ADAMTS18: variants seen among roughly 807,000 people sequenced by gnomAD.
ADAMTS18 encodes the protein ADAM metallopeptidase with thrombospondin type 1 motif 18.
A neutral mutation model predicts 165.9 loss-of-function variants in ADAMTS18; 157 were observed. The observed-to-expected ratio is 0.95, with a 90% CI of 0.83 to 1.08. The LOEUF (loss-of-function observed/expected upper bound fraction) is 1.08, where lower values mean the gene tolerates loss of function less well. ADAMTS18 is among the 50% of genes least tolerant of loss of function. ADAMTS18 has a pLI of 0.00. For synonymous variants in ADAMTS18, 782 were observed against 578.2 expected, an observed-to-expected ratio of 1.35 and a Z score of -5.06; for missense variants, 2,040 against 1,534.0, an observed-to-expected ratio of 1.33 and a Z score of -5.51.
At chr16:77,342,464 G>A (rs879642650) in intron 10 of ADAMTS18, among the ~76,000 whole-genome samples, 3 of 151,850 alleles carry the variant, frequency 2.0e-5, no homozygotes, top group Non-Finnish European at 4.4e-5. Context: ...TTTATTGACT[G>A]ACTGACTGTA....
intron 11 of ADAMTS18, among the ~76,000 whole-genome samples, chr16:77,336,499 G>T (rs1204801482): frequency 1.3e-5 from 2 of 152,296 alleles, no homozygotes; most frequent in East Asian, 3.9e-4. Flanking sequence ...GAACAACTCA[G>T]TCTGTACAAA....
intron 3 of ADAMTS18, among the ~76,000 whole-genome samples, chr16:77,403,845 G>A (rs956989735): frequency 1.3e-5 from 2 of 152,120 alleles, no homozygotes; most frequent in African/African-American, 4.8e-5. Context: ...TTGAAAGGAA[G>A]GGACACGATG....
At chr16:77,290,356 G>GGTATTGGGGGAGCAGATTT (rs1489401726) in intron 21 of ADAMTS18, among the ~76,000 whole-genome samples, 1 of 152,176 alleles carries the variant, frequency 6.6e-6, no homozygotes, top group African/African-American at 2.4e-5. Flanking sequence ...AAAACAGGCA[G>GGTATTGGGGGAGCAGATTT]GTATTGGGGG....
chr16:77,372,801 G>A (rs2056895174), intron 3 of ADAMTS18, among the ~76,000 whole-genome samples: 1 of 152,108 alleles, frequency 6.6e-6, no homozygotes, highest in South Asian at 2.1e-4. Flanking sequence ...TCTCTTATTT[G>A]GACACTTTCT....
chr16:77,291,527 T>A, intron 20 of ADAMTS18, 49 bp from the exon 21 acceptor site: 2 of 1,577,780 alleles, frequency 1.3e-6, no homozygotes, highest in South Asian at 1.1e-5. Flanking sequence ...CAGGATCACA[T>A]CTTCTGGACA....
chr16:77,317,412 C>A (rs1332376863), intron 16 of ADAMTS18, among the ~76,000 whole-genome samples: 1 of 152,170 alleles, frequency 6.6e-6, no homozygotes, highest in Non-Finnish European at 1.5e-5. Context: ...CGGCTCACTG[C>A]AACCTGTGCC....
intron 3 of ADAMTS18, among the ~76,000 whole-genome samples, chr16:77,408,702 G>A (rs1350539496): frequency 2.6e-5 from 4 of 152,162 alleles, no homozygotes; most frequent in East Asian, 3.9e-4. Flanking sequence ...TGTGGAGTGA[G>A]ACAATTTGGA....
intron 16 of ADAMTS18, among the ~76,000 whole-genome samples, chr16:77,318,072 G>A (rs1477766925): frequency 6.6e-6 from 1 of 152,022 alleles, no homozygotes; most frequent in Non-Finnish European, 1.5e-5. Context: ...ATAAGATAGA[G>A]GAAAATAAAT....
At chr16:77,417,834 G>T (rs1437327499) in intron 3 of ADAMTS18, among the ~76,000 whole-genome samples, 1 of 152,144 alleles carries the variant, frequency 6.6e-6, no homozygotes, top group East Asian at 1.9e-4. Flanking sequence ...AAGGTTCTCA[G>T]GCAAGGGCAC....
chr16:77,363,993 A>G, intron 5 of ADAMTS18, 108 bp from the exon 6 acceptor site: 2 of 1,230,580 alleles, frequency 1.6e-6, no homozygotes, highest in South Asian at 2.5e-5. Flanking sequence ...TACCAAATAT[A>G]TGTACATATA....
intron 7 of ADAMTS18, 25 bp from the exon 8 acceptor site, chr16:77,359,448 T>C: frequency 1.3e-6 from 2 of 1,591,954 alleles, no homozygotes; most frequent in Non-Finnish European, 1.7e-6. Context: ...GTTTCAAATG[T>C]GAATCCAAAG....
intron 10 of ADAMTS18, among the ~76,000 whole-genome samples, chr16:77,350,437 G>A (rs1362522927): frequency 6.6e-6 from 1 of 152,134 alleles, no homozygotes; most frequent in Admixed American, 6.5e-5. Flanking sequence ...AAACCGTATT[G>A]TTTATCAAGT....
chr16:77,359,536 T>G lies in ADAMTS18; in HGVS notation c.1217-113A>C. 9.1e-6 allele frequency: 7 copies of G among 769,522 alleles called. No homozygotes were observed. The South Asian group carries it at 1.1e-4, about 12-fold the overall frequency. 47.7% of individuals were successfully genotyped at this position (769,522 alleles called of 1,614,324 possible). A position where few individuals can be genotyped will look rare whatever the true frequency, so the allele number is the denominator to read the frequency against. On this transcript the variant is annotated intron_variant, in intron 7 of 22. Coordinates refer to ENST00000282849, the MANE Select transcript of ADAMTS18 (RefSeq NM_199355.4). Reference sequence around the variant, plus strand: ...AGTTTTAGTTTAATAGATCAATGCATTCAGTGTTTTTGGAAAAAAAAAAAA... The same window carrying G: ...AGTTTTAGTTTAATAGATCAATGCAGTCAGTGTTTTTGGAAAAAAAAAAAA...
At chr16:77,422,492 G>C (rs1186223810) in intron 3 of ADAMTS18, among the ~76,000 whole-genome samples, 1 of 151,040 alleles carries the variant, frequency 6.6e-6, no homozygotes, top group Non-Finnish European at 1.5e-5. Context: ...GTACAAGGGA[G>C]GAAGGAAGAG....
chr16:77,293,205 G>C lies in ADAMTS18; in HGVS notation c.3060C>G (p.Gly1020=), dbSNP rs747653054. 25 of 1,613,814 alleles carry C rather than the reference G, an allele frequency of 1.5e-5. 2 individuals carry two copies. The South Asian group carries it at 2.7e-4, about 18-fold the overall frequency. The change falls in exon 20 of 23, where the codon GGC becomes GGG. Residue 1020 remains glycine, a synonymous_variant. Transcript: ENST00000282849. ...GVRKRELLCK[G]SAAETLPESQ... Reference sequence around the variant, plus strand: ...TCTCGGGGAGGGTTTCTGCGGCAGAGCCCTTGCAGAGGAGTTCACGCTTCC... The same window carrying C: ...TCTCGGGGAGGGTTTCTGCGGCAGACCCCTTGCAGAGGAGTTCACGCTTCC...
chr16:77,335,034 T>C (rs2056285434), intron 12 of ADAMTS18, among the ~76,000 whole-genome samples: 1 of 145,486 alleles, frequency 6.9e-6, no homozygotes, highest in Admixed American at 7.0e-5. Flanking sequence ...ATACTATATA[T>C]TAATAGTAAT....
intron 3 of ADAMTS18, among the ~76,000 whole-genome samples, chr16:77,398,777 C>T (rs923477258): frequency 4.6e-5 from 7 of 152,150 alleles, no homozygotes; most frequent in African/African-American, 1.4e-4. Context: ...CCCTGGGGTA[C>T]AAAATTCTCC....
At chr16:77,374,759 T>TA (rs1175036814) in intron 3 of ADAMTS18, among the ~76,000 whole-genome samples, 1 of 152,124 alleles carries the variant, frequency 6.6e-6, no homozygotes, top group African/African-American at 2.4e-5. Context: ...GAAAGCAATT[T>TA]AAAAAATAAT....
chr16:77,341,831 T>C (rs2056403337), intron 10 of ADAMTS18, 32 bp from the exon 11 acceptor site: 1 of 1,499,272 alleles, frequency 6.7e-7, no homozygotes, highest in African/African-American at 1.4e-5. Context: ...GTGCTGTTAA[T>C]GGTGATATAC....
Sources: allele counts gnomAD v4.1 joint callset (sites outside exome capture counted in the v4.1 genomes callset), GRCh38; gene constraint gnomAD v4.1.1; transcripts MANE v1.5; gene names NCBI Gene and HGNC (gene_info 2026-07-23, HGNC 2026-07-21).